ZBTB8B: variants seen among roughly 807,000 people sequenced by gnomAD.
ZBTB8B encodes the protein zinc finger and BTB domain containing 8B.
A neutral mutation model predicts 30.3 loss-of-function variants in ZBTB8B; 17 were observed. The observed-to-expected ratio is 0.56, with a 90% CI of 0.38 to 0.84. The LOEUF (loss-of-function observed/expected upper bound fraction) is 0.84, where lower values mean the gene tolerates loss of function less well. Ranked by LOEUF, ZBTB8B falls within the 40% of genes least tolerant of loss-of-function variation. The pLI is 0.00. For synonymous variants in ZBTB8B, 248 were observed against 255.6 expected (o/e 0.97, Z 0.28); for missense variants, 515 against 644.9 (o/e 0.80, Z 2.18).
chr1:32,476,918 C>T (rs2148183498), intron 2 of ZBTB8B, among the ~76,000 whole-genome samples: 1 of 152,286 alleles, frequency 6.6e-6, no homozygotes, highest in Non-Finnish European at 1.5e-5. Context: ...TAGAACAGAG[C>T]CTGACACATA....
intron 2 of ZBTB8B, among the ~76,000 whole-genome samples, chr1:32,474,810 T>C (rs1643650671): frequency 6.6e-6 from 1 of 152,254 alleles, no homozygotes; most frequent in South Asian, 2.1e-4. Flanking sequence ...AGAATGTAAG[T>C]AGTAAGTGGC....
At chr1:32,470,513 A>AAAAAAAAG in intron 1 of ZBTB8B, 71 bp from the exon 2 acceptor site, 1 of 1,091,444 alleles carries the variant, frequency 9.2e-7, no homozygotes, top group East Asian at 3.6e-5. Context: ...AAAAAAAAAA[A>AAAAAAAAG]AAAAAAAAAA....
Position 32,470,643 on chromosome 1 carries a change from T to C in ZBTB8B, c.19T>C (p.Tyr7His). MEMQSY[Y>H]AKLLGELNEQ... ...CGGAGCAATGGAGATGCAATCCTATTATGCCAAGCTTTTGGGGGAGCTGAA... is the reference window on the plus strand; with the variant it reads ...CGGAGCAATGGAGATGCAATCCTATCATGCCAAGCTTTTGGGGGAGCTGAA... Residue 7 changes from tyrosine (Y) to histidine (H), a missense_variant, in exon 2 of 4, where the codon TAT becomes CAT. By Grantham distance (83) the Tyr-to-His change is moderately conservative (BLOSUM62 2). Transcript: ENST00000609129. 1 of 1,551,318 alleles carries C rather than the reference T, an allele frequency of 6.4e-7. No homozygotes were observed. Among genetic ancestry groups the C allele is most frequent in the Middle Eastern group, 1.7e-4 (1 of 5,992 alleles).
intron 1 of ZBTB8B, among the ~76,000 whole-genome samples, chr1:32,466,774 G>A (rs1431912310): frequency 6.6e-6 from 1 of 152,168 alleles, no homozygotes; most frequent in African/African-American, 2.4e-5. Flanking sequence ...AGTGCCCTGG[G>A]AAGAGCCCCT....
chr1:32,477,064 G>A (rs545548787), intron 2 of ZBTB8B, among the ~76,000 whole-genome samples: 4 of 152,052 alleles, frequency 2.6e-5, no homozygotes, highest in Non-Finnish European at 5.9e-5. Flanking sequence ...GCCTAAGTAC[G>A]TGTTCTTCCT....
intron 2 of ZBTB8B, among the ~76,000 whole-genome samples, chr1:32,480,651 G>C (rs1643697064): frequency 6.6e-6 from 1 of 152,214 alleles, no homozygotes; most frequent in Non-Finnish European, 1.5e-5. Flanking sequence ...GTGGAAGCTG[G>C]TGCCTTATAG....
At chr1:32,468,322 T>G (rs1643588951) in intron 1 of ZBTB8B, among the ~76,000 whole-genome samples, 2 of 152,114 alleles carry the variant, frequency 1.3e-5, no homozygotes, top group African/African-American at 4.8e-5. Flanking sequence ...ACATCCTGCA[T>G]CCCACAGAGC....
At chr1:32,470,340 T>C (rs1411641153) in intron 1 of ZBTB8B, among the ~76,000 whole-genome samples, 1 of 150,008 alleles carries the variant, frequency 6.7e-6, no homozygotes, top group Admixed American at 6.7e-5. Flanking sequence ...CTCTACTAAA[T>C]ATACAAAAAA....
intron 1 of ZBTB8B, among the ~76,000 whole-genome samples, chr1:32,466,763 A>T (rs958862161): frequency 6.6e-6 from 1 of 152,180 alleles, no homozygotes; most frequent in Non-Finnish European, 1.5e-5. Flanking sequence ...TGAAAGACGG[A>T]AGTGCCCTGG....
chr1:32,472,057 G>T, intron 2 of ZBTB8B, among the ~76,000 whole-genome samples: 1 of 150,880 alleles, frequency 6.6e-6, no homozygotes, highest in East Asian at 1.9e-4. Flanking sequence ...ATCATCACCA[G>T]TACCATCATC....
rs1415307368 is a variant in ZBTB8B, at chr1:32,471,627, T to C, written c.991+12T>C. On this transcript the variant is annotated intron_variant, in intron 2 of 3. Coordinates refer to ENST00000609129, the MANE Select transcript of ZBTB8B (RefSeq NM_001145720.2). ...TGGAGAGGACTCAGGTGAGCTCCCT[T>C]AGCATTCATCAGCCCTGCCAGTGAT... The C allele has an allele frequency of 6.5e-7, 1 of 1,541,674 alleles. No individual in the cohort carries two copies. The highest frequency in any genetic ancestry group is 1.4e-5 in the African/African-American group (1 of 72,868).
intron 1 of ZBTB8B, among the ~76,000 whole-genome samples, chr1:32,470,039 G>C (rs1210110575): frequency 6.6e-6 from 1 of 151,956 alleles, no homozygotes; most frequent in Non-Finnish European, 1.5e-5. Context: ...GCCCGGCTAA[G>C]TTTTGTATTT....
rs1284559086 is a variant in ZBTB8B at position 32,480,995 on chromosome 1, G to A, written c.1096G>A (p.Glu366Lys). The part of the protein sequence containing the change: ...LKRHIRSHTG[E>K]RPYPCETCGK... ...GCGGCACATCCGTTCACACACAGGC[G>A]AGCGGCCCTACCCCTGTGAGACCTG... Residue 366 changes from glutamate (E) to lysine (K), a missense_variant, in exon 3 of 4, where the codon GAG becomes AAG. Physicochemically the swap from Glu to Lys is moderately conservative, Grantham distance 56. Transcript: ENST00000609129. The A allele has an allele frequency of 1.9e-6, 3 of 1,552,298 alleles. No homozygotes were observed. Among genetic ancestry groups the A allele is most frequent in the East Asian group, 2.4e-5 (1 of 40,954 alleles).
rs1349979808 is a variant in ZBTB8B, at chr1:32,496,632, T to C, written c.*11214T>C. 2 of 152,238 alleles carry C rather than the reference T, an allele frequency of 1.3e-5. No homozygotes were observed. Among genetic ancestry groups the C allele is most frequent in the African/African-American group, 4.8e-5 (2 of 41,460 alleles). 9.4% of individuals were successfully genotyped at this position (152,238 alleles called of 1,614,324 possible). A position where few individuals can be genotyped will look rare whatever the true frequency, so the allele number is the denominator to read the frequency against. On this transcript the variant is annotated 3_prime_UTR_variant, in exon 4 of 4. Transcript: ENST00000609129. The stretch of plus-strand genomic sequence containing the variant: ...TGTATTGTTTTGCTGTTTTTACTTT[T>C]TTATATATAAAGAACTAAAATTACG...
At chr1:32,473,261 G>A (rs938851235) in intron 2 of ZBTB8B, among the ~76,000 whole-genome samples, 5 of 151,606 alleles carry the variant, frequency 3.3e-5, no homozygotes, top group African/African-American at 7.3e-5. Context: ...AGCCGAGATC[G>A]TGCCACCACA....
At chr1:32,475,573 G>A (rs748061862) in intron 2 of ZBTB8B, among the ~76,000 whole-genome samples, 17 of 152,158 alleles carry the variant, frequency 1.1e-4, no homozygotes, top group Non-Finnish European at 2.2e-4. Flanking sequence ...GCAACAAAGC[G>A]AGACTGTCTC....
chr1:32,484,898 C>A lies in ZBTB8B; in HGVS notation c.1171-203C>A, dbSNP rs1397400114. On this transcript the variant is annotated intron_variant, in intron 3 of 3. Transcript: ENST00000609129. This position sits in a 1 kb window ranked among gnomAD's most constrained non-coding sequence, Gnocchi z 4.5. ...GTGGAACTGTGAGCCAATTAAACCT[C>A]TTTTCTTTATAAATTACCCAGTCTC... is the stretch of plus-strand genomic sequence containing the variant. Among the ~76,000 whole-genome samples, 1 of 152,156 alleles carries A rather than the reference C, an allele frequency of 6.6e-6. No homozygotes were observed. The highest frequency in any genetic ancestry group is 1.5e-5 in the Non-Finnish European group (1 of 68,034).
At position 32,480,235 on chromosome 1, in the gene ZBTB8B, C is replaced by T. The variant is rs528260251; in HGVS notation, c.992-656C>T. Among the ~76,000 whole-genome samples, 3 of 150,702 alleles carry T rather than the reference C, an allele frequency of 2.0e-5. No homozygotes were observed. In the Admixed American group the frequency reaches 2.0e-4, roughly 10 times the overall value. On this transcript the variant is annotated intron_variant, in intron 2 of 3. Coordinates refer to ENST00000609129, the MANE Select transcript of ZBTB8B (RefSeq NM_001145720.2). ...TGATTTGCAGATGGCAGCCTTCCCA[C>T]TGTGTCCTCACATAGCCTTTCCTCT...
chr1:32,480,841 G>T, intron 2 of ZBTB8B, 50 bp from the exon 3 acceptor site: 1 of 1,491,230 alleles, frequency 6.7e-7, no homozygotes, highest in South Asian at 1.4e-5. Context: ...GGGTAGCCAG[G>T]GTTGGTCACT....
Sources: gnomAD v4.1 joint callset for allele counts (sites outside exome capture counted in the v4.1 genomes callset) on GRCh38, gnomAD v4.1.1 for gene constraint, Gnocchi (gnomAD v3.1) non-coding constraint, MANE v1.5 for transcripts, NCBI Gene and HGNC (gene_info 2026-07-23, HGNC 2026-07-21) for gene names.